MMP10: variants seen among roughly 807,000 people sequenced by gnomAD.
MMP10 encodes matrix metallopeptidase 10.
In MMP10, 50 loss-of-function variants were observed where a neutral mutation model predicts 49.1. The ratio of observed to expected loss-of-function variants is 1.02; its 90% CI spans 0.81 to 1.29. The LOEUF (loss-of-function observed/expected upper bound fraction) is 1.29, where lower values mean the gene tolerates loss of function less well. Among genes scored for constraint, MMP10 ranks in the 50% most tolerant of loss-of-function variants. The pLI is 0.00. For synonymous variants in MMP10, 229 were observed against 201.6 expected (o/e 1.14, Z -1.15); for missense variants, 613 against 563.8 (o/e 1.09, Z -0.88).
At chr11:102,778,081 T>C (rs368409088) in intron 4 of MMP10, among the ~76,000 whole-genome samples, 7 of 152,242 alleles carry the variant, frequency 4.6e-5, no homozygotes, top group African/African-American at 1.7e-4. Context: ...GTCATTATGT[T>C]TAGATGTAAA....
intron 6 of MMP10, among the ~76,000 whole-genome samples, chr11:102,775,555 C>T (rs751429409): frequency 2.6e-5 from 4 of 151,856 alleles, no homozygotes; most frequent in Non-Finnish European, 4.4e-5. Flanking sequence ...ATATTATGTC[C>T]TAATATTTTA....
At position 102,770,700 on chromosome 11, in the gene MMP10, C is replaced by T. The variant is rs1233505462; in HGVS notation, c.*93G>A. On this transcript the variant is annotated 3_prime_UTR_variant, in exon 10 of 10. Coordinates refer to ENST00000279441, the MANE Select transcript of MMP10 (RefSeq NM_002425.3). ...TCATCTTCTTCAGTCACAGAACATG[C>T]AGGAAAAATTAACCATTTTGGCTCA... 9.7e-6 allele frequency: 7 copies of T among 718,068 alleles called. No homozygotes were observed. The highest frequency in any genetic ancestry group is 9.1e-5 in the African/African-American group (5 of 54,976). 44.5% of individuals were successfully genotyped at this position (718,068 alleles called of 1,614,324 possible). A position where few individuals can be genotyped will look rare whatever the true frequency, so the allele number is the denominator to read the frequency against.
Position 102,770,738 on chromosome 11 carries a change from T to C in MMP10, c.*55A>G. 2 of 1,187,118 alleles carry C rather than the reference T, an allele frequency of 1.7e-6. No individual in the cohort carries two copies. The highest frequency in any genetic ancestry group is 2.4e-6 in the Non-Finnish European group (2 of 824,686). 73.5% of individuals were successfully genotyped at this position (1,187,118 alleles called of 1,614,324 possible). ...CCATTTTGGCTCATAATACATTAGA[T>C]GAATAATTATTAGATTTATTAAAAA... is the stretch of plus-strand genomic sequence containing the variant. On this transcript the variant is annotated 3_prime_UTR_variant, in exon 10 of 10. Transcript: ENST00000279441.
rs749748906 is a variant in MMP10 at position 102,779,719 on chromosome 11, G to A, written c.132C>T (p.Leu44=). ...TTCTAAACTGTTTCACATCCTTTTC[G>A]AGGTTGTAGTACTTTTCTAGGTATT... ...AQQYLEKYYN[L]EKDVKQFRRK... Residue 44 remains leucine (L), a synonymous_variant, in exon 2 of 10, where the codon CTC becomes CTT. Coordinates refer to ENST00000279441, the MANE Select transcript of MMP10 (RefSeq NM_002425.3). 3.7e-6 allele frequency: 6 copies of A among 1,613,670 alleles called. No individual in the cohort carries two copies. Among genetic ancestry groups the A allele is most frequent in the East Asian group, 2.2e-5 (1 of 44,880 alleles).
chr11:102,776,886 C>T lies in MMP10; in HGVS notation c.623-110G>A, dbSNP rs1008143397. On this transcript the variant is annotated intron_variant, in intron 4 of 9. Coordinates refer to ENST00000279441, the MANE Select transcript of MMP10 (RefSeq NM_002425.3). ...CATCCTTGAAACCACAATGTCTTTT[C>T]AGTATTTGTGGATTGGTTCATTGAT... 26 of 1,268,784 alleles carry T rather than the reference C, an allele frequency of 2.0e-5. 1 individual carries two copies. The Admixed American group carries it at 4.6e-4, about 22-fold the overall frequency. 78.6% of individuals were successfully genotyped at this position (1,268,784 alleles called of 1,614,324 possible).
intron 7 of MMP10, 92 bp from the exon 8 acceptor site, chr11:102,773,098 GT>G (rs1861990933): frequency 2.4e-6 from 3 of 1,232,752 alleles, no homozygotes; most frequent in Non-Finnish European, 3.3e-6. Context: ...GGAAGGCTTG[GT>G]TTTAATTCCA....
In MMP10 at chr11:102,778,692, G is replaced by A; in HGVS notation, c.554C>T (p.Pro185Leu). 1.2e-6 allele frequency: 2 copies of A among 1,613,946 alleles called. No homozygotes were observed. Among genetic ancestry groups the A allele is most frequent in the Non-Finnish European group, 1.7e-6 (2 of 1,179,926 alleles). The change falls in exon 4 of 10, where the codon CCA (proline) becomes CTA (leucine). Residue 185 changes from proline to leucine, a missense_variant. By Grantham distance (98) the Pro-to-Leu change is moderately conservative. Transcript: ENST00000279441. ...GPGHSLAHAY[P>L]PGPGLYGDIH... ...ATCTCCATAAAGCCCAGGTCCAGGTGGGTAGGCATGAGCCAAACTGTGTCC... is the reference window on the plus strand; with the variant it reads ...ATCTCCATAAAGCCCAGGTCCAGGTAGGTAGGCATGAGCCAAACTGTGTCC...
chr11:102,779,496 A>C lies in MMP10; in HGVS notation c.347+8T>G. ...CAATATTATGTGAAAACTAATCTGAACCATTACCTGTATGTAAGGTGGGTT... is the reference window on the plus strand; with the variant it reads ...CAATATTATGTGAAAACTAATCTGACCCATTACCTGTATGTAAGGTGGGTT... On this transcript the variant is annotated splice_region_variant and intron_variant, in intron 2 of 9. Coordinates refer to ENST00000279441, the MANE Select transcript of MMP10 (RefSeq NM_002425.3). 6.2e-7 allele frequency: 1 copy of C among 1,613,934 alleles called. No homozygotes were observed. Among genetic ancestry groups the C allele is most frequent in the South Asian group, 1.1e-5 (1 of 91,066 alleles).
In MMP10 at chr11:102,772,968, CT is replaced by C. The variant is rs867163970; in HGVS notation, c.1104del (p.Ala369GlnfsTer16). On this transcript the variant is annotated frameshift_variant, in exon 8 of 10. Coordinates refer to ENST00000279441, the MANE Select transcript of MMP10 (RefSeq NM_002425.3). LOFTEE classifies it high-confidence loss of function. This position sits in a 1 kb window ranked among gnomAD's most constrained non-coding sequence, Gnocchi z 4.4. The part of the protein sequence containing the change: ...EFWAIRGNEV[Q>X]AGYPRGIHTL... ...GTATGGATGCCTCTTGGATAACCTG[CT>C]TGTACCTCATTTCCTCTGATGGCCC... The C allele has an allele frequency of 4.3e-6, 7 of 1,611,868 alleles. No homozygotes were observed. The highest frequency in any genetic ancestry group is 3.3e-4 in the Middle Eastern group (2 of 6,074).
chr11:102,773,583 A>G (rs752895993), intron 7 of MMP10, among the ~76,000 whole-genome samples: 30 of 152,206 alleles, frequency 2.0e-4, no homozygotes, highest in Non-Finnish European at 4.1e-4. Context: ...TCTGTTGTTT[A>G]TCTCTCTTGC....
Position 102,772,768 on chromosome 11 carries a change from G to GATCTC in MMP10, c.1226+78_1226+79insGAGAT. 7.0e-7 allele frequency: 1 copy of GATCTC among 1,438,058 alleles called. No homozygotes were observed. Among genetic ancestry groups the GATCTC allele is most frequent in the Non-Finnish European group, 9.5e-7 (1 of 1,055,576 alleles). 89.1% of individuals were successfully genotyped at this position (1,438,058 alleles called of 1,614,324 possible). ...TAGAGAAAGTTAGAGGGTGGGTGTA[G>GATCTC]GGTAGGGAAATATCCTTAAAGAAAG... is the stretch of plus-strand genomic sequence containing the variant. On this transcript the variant is annotated intron_variant, in intron 8 of 9. Transcript: ENST00000279441. The surrounding 1 kb of genome is among the most constrained non-coding windows in gnomAD (Gnocchi z 4.4).
chr11:102,777,895 T>A (rs17860963), intron 4 of MMP10, among the ~76,000 whole-genome samples: 9,074 of 151,666 alleles, frequency 0.06, 299 homozygotes, highest in Middle Eastern at 0.082. Context: ...GCAGCCTCCA[T>A]CTCCTGGGTT....
chr11:102,771,450 C>G (rs1257828164), intron 9 of MMP10, among the ~76,000 whole-genome samples: 1 of 152,188 alleles, frequency 6.6e-6, no homozygotes, highest in Non-Finnish European at 1.5e-5. Flanking sequence ...TGGCAGCTCC[C>G]TCCAAAATTC....
rs1244377607 is a variant in MMP10, at chr11:102,772,586, A to G, written c.1226+261T>C. On this transcript the variant is annotated intron_variant, in intron 8 of 9. Transcript: ENST00000279441. The surrounding 1 kb of genome is among the most constrained non-coding windows in gnomAD (Gnocchi z 4.4). ...CTATGGCAGCCACATGGTGACTGGA[A>G]ATGGAATAAGAGGTGAATGCCTTTG... 1.3e-5 allele frequency among the ~76,000 whole-genome samples: 2 copies of G among 152,210 alleles called. No homozygotes were observed. Among genetic ancestry groups the G allele is most frequent in the Non-Finnish European group, 2.9e-5 (2 of 68,030 alleles).
At chr11:102,778,559 T>A (rs1857777445) in intron 4 of MMP10, 65 bp downstream of exon 4, 1 of 1,585,364 alleles carries the variant, frequency 6.3e-7, no homozygotes, top group Non-Finnish European at 8.6e-7. Flanking sequence ...TTCTAGATAA[T>A]CCAATTATTT....
chr11:102,772,144 A>C lies in MMP10; in HGVS notation c.1227-29T>G. 1 of 1,399,844 alleles carries C rather than the reference A, an allele frequency of 7.1e-7. No homozygotes were observed. Among genetic ancestry groups the C allele is most frequent in the Non-Finnish European group, 1.0e-6 (1 of 986,492 alleles). The allele number at this position is 1,399,844 out of a possible 1,614,324, so 86.7% of individuals were successfully genotyped here. On this transcript the variant is annotated intron_variant, in intron 8 of 9. Transcript: ENST00000279441. This position sits in a 1 kb window ranked among gnomAD's most constrained non-coding sequence, Gnocchi z 4.4. ...AACCAAATGAAAGAAATACAGTTCAATGATGTGCAGTAGTCCCATTACACA... is the reference window on the plus strand; with the variant it reads ...AACCAAATGAAAGAAATACAGTTCACTGATGTGCAGTAGTCCCATTACACA...
intron 6 of MMP10, 116 bp downstream of exon 6, chr11:102,776,164 T>C (rs1857729352): frequency 1.1e-6 from 1 of 878,224 alleles, no homozygotes. Flanking sequence ...ATAACAAACC[T>C]GCACATGTAC....
Position 102,772,820 on chromosome 11 carries a change from T to C in MMP10, c.1226+27A>G, listed in dbSNP as rs1861987491. On this transcript the variant is annotated intron_variant, in intron 8 of 9. Transcript: ENST00000279441. The surrounding 1 kb of genome is among the most constrained non-coding windows in gnomAD (Gnocchi z 4.4). ...AAATAATTTTCTTAATCAGGCTTCA[T>C]AGAAAGTCATTTCTCTTGCATCTCA... 1.2e-6 allele frequency: 2 copies of C among 1,600,194 alleles called. No individual in the cohort carries two copies. Among genetic ancestry groups the C allele is most frequent in the Admixed American group, 1.7e-5 (1 of 58,084 alleles).
At position 102,776,389 on chromosome 11, in the gene MMP10, G is replaced by C; in HGVS notation, c.823C>G (p.Pro275Ala). The change falls in exon 6 of 10, where the codon CCC (proline) becomes GCC (alanine). Residue 275 changes from proline (P) to alanine (A), a missense_variant. By Grantham distance (27) the Pro-to-Ala change is conservative (BLOSUM62 -1). Coordinates refer to ENST00000279441, the MANE Select transcript of MMP10 (RefSeq NM_002425.3). ...PPASTEEPLV[P>A]TKSVPSGSEM... ...GATCCCGAAGGAACAGATTTTGTGGGCACCAGGGGTTCCTCAGTAGAGGCA... is the reference window on the plus strand; with the variant it reads ...GATCCCGAAGGAACAGATTTTGTGGCCACCAGGGGTTCCTCAGTAGAGGCA... 1 of 1,613,918 alleles carries C rather than the reference G, an allele frequency of 6.2e-7. No individual in the cohort carries two copies. Among genetic ancestry groups the C allele is most frequent in the Non-Finnish European group, 8.5e-7 (1 of 1,179,894 alleles).
Sources: gnomAD v4.1 joint callset for allele counts (sites outside exome capture counted in the v4.1 genomes callset) on GRCh38, gnomAD v4.1.1 for gene constraint, Gnocchi (gnomAD v3.1) non-coding constraint, MANE v1.5 for transcripts, NCBI Gene and HGNC (gene_info 2026-07-23, HGNC 2026-07-21) for gene names.